The following CSMD3 variants were observed in gnomAD, a reference collection of about 807,000 sequenced individuals.
CSMD3 encodes CUB and Sushi multiple domains 3, also known as CUB and sushi domain-containing protein 3.
In CSMD3, 177 loss-of-function variants were observed where a neutral mutation model predicts 435.2. The ratio of observed to expected loss-of-function variants is 0.41; its 90% CI spans 0.36 to 0.46. The LOEUF is 0.46. Among genes scored for constraint, CSMD3 ranks in the 20% least tolerant of loss-of-function variants. The pLI, the probability that CSMD3 is intolerant of heterozygous loss-of-function variation, is 0.34. For synonymous variants in CSMD3, 1,656 were observed against 1,520.5 expected, an observed-to-expected ratio of 1.09 and a Z score of -2.07; for missense variants, 4,265 against 4,504.6, an observed-to-expected ratio of 0.95 and a Z score of 1.52.
intron 1 of CSMD3, among the ~76,000 whole-genome samples, chr8:113,407,001 A>G (rs576877114): frequency 6.6e-6 from 1 of 152,262 alleles, no homozygotes; most frequent in Non-Finnish European, 1.5e-5. Flanking sequence ...GCAAATTTGT[A>G]TACAGTAGGA....
At chr8:112,247,676 A>C (rs7826664) in intron 63 of CSMD3, among the ~76,000 whole-genome samples, 4,538 of 152,226 alleles carry the variant, frequency 0.03, 236 homozygotes, top group African/African-American at 0.1. Flanking sequence ...AATTAGGAGA[A>C]TATCTAGGAC....
chr8:113,211,067 G>A (rs377460041), intron 3 of CSMD3, among the ~76,000 whole-genome samples: 5 of 152,058 alleles, frequency 3.3e-5, no homozygotes, highest in Non-Finnish European at 4.4e-5. Context: ...TAAATTATAC[G>A]TATTTTTCTA....
intron 1 of CSMD3, among the ~76,000 whole-genome samples, chr8:113,426,254 C>G (rs1157083340): frequency 1.3e-5 from 2 of 151,154 alleles, no homozygotes; most frequent in Admixed American, 6.6e-5. Context: ...TTCAGAGAAG[C>G]CATTTCTGCA....
intron 3 of CSMD3, among the ~76,000 whole-genome samples, chr8:113,255,685 AC>A (rs1180709928): frequency 1.3e-5 from 2 of 152,052 alleles, no homozygotes; most frequent in Non-Finnish European, 2.9e-5. Context: ...CAAATAAAAA[AC>A]AGAACATATT....
intron 32 of CSMD3, among the ~76,000 whole-genome samples, chr8:112,455,970 T>G (rs1816797994): frequency 6.6e-6 from 1 of 152,158 alleles, no homozygotes; most frequent in Non-Finnish European, 1.5e-5. Flanking sequence ...GCAAAATTTT[T>G]TATTTATCAA....
At chr8:112,911,120 T>C (rs2082398945) in intron 10 of CSMD3, among the ~76,000 whole-genome samples, 1 of 151,856 alleles carries the variant, frequency 6.6e-6, no homozygotes, top group Non-Finnish European at 1.5e-5. Context: ...CATTTTCTTA[T>C]CATTCACTTA....
At chr8:112,407,996 G>T (rs993915378) in intron 34 of CSMD3, among the ~76,000 whole-genome samples, 1 of 151,826 alleles carries the variant, frequency 6.6e-6, no homozygotes, top group Non-Finnish European at 1.5e-5. Context: ...AACTAAATTA[G>T]ACTAAATAGT....
chr8:113,314,764 T>A lies in CSMD3; in HGVS notation c.208A>T (p.Lys70Ter). The change falls in exon 2 of 71, where the codon AAA becomes TAA. Residue 70 changes from lysine to a stop codon, truncating the protein, a stop_gained. Coordinates refer to ENST00000297405, the MANE Select transcript of CSMD3 (RefSeq NM_198123.2). LOFTEE classifies it high-confidence loss of function. ...CTTTCTATAGTGCCATTAAGTCCTTTTAAAGTTCCACCACATGTATAAATA... is the reference window on the plus strand; with the variant it reads ...CTTTCTATAGTGCCATTAAGTCCTTATAAAGTTCCACCACATGTATAAATA... The part of the protein sequence containing the change: ...GFIYTCGGTL[K>*]GLNGTIESPG... 6.2e-7 allele frequency: 1 copy of A among 1,611,698 alleles called. No homozygotes were observed. The highest frequency in any genetic ancestry group is 8.5e-7 in the Non-Finnish European group (1 of 1,178,202).
intron 30 of CSMD3, among the ~76,000 whole-genome samples, chr8:112,502,311 C>T (rs1451575451): frequency 2.0e-5 from 3 of 152,224 alleles, no homozygotes; most frequent in African/African-American, 7.2e-5. Context: ...CACCCCAAAC[C>T]TCACTGTCTG....
At position 113,220,161 on chromosome 8, in the gene CSMD3, A is replaced by G. The variant is rs181206709; in HGVS notation, c.515-46245T>C. On this transcript the variant is annotated intron_variant, in intron 3 of 70. Coordinates refer to ENST00000297405, the MANE Select transcript of CSMD3 (RefSeq NM_198123.2). ...GGAAACAGGCACTCTTACAAACTGC[A>G]GGTGAAGATTACAGAAGTCATAGAT... Among the ~76,000 whole-genome samples, 46 of 151,562 alleles carry G rather than the reference A, an allele frequency of 3.0e-4. 1 individual carries two copies. The highest frequency in any genetic ancestry group is 1.3e-3 in the Admixed American group (20 of 15,136).
At chr8:113,308,485 G>A (rs2093840931) in intron 2 of CSMD3, among the ~76,000 whole-genome samples, 1 of 151,870 alleles carries the variant, frequency 6.6e-6, no homozygotes, top group African/African-American at 2.4e-5. Flanking sequence ...AGCCAGGATA[G>A]TCTCGATCTC....
At chr8:112,620,932 G>A (rs577463239) in intron 22 of CSMD3, among the ~76,000 whole-genome samples, 7 of 152,220 alleles carry the variant, frequency 4.6e-5, no homozygotes, top group African/African-American at 1.7e-4. Flanking sequence ...TACAGAAAAT[G>A]TAACATAAAA....
At chr8:112,904,583 C>T (rs965905372) in intron 10 of CSMD3, among the ~76,000 whole-genome samples, 1 of 151,190 alleles carries the variant, frequency 6.6e-6, no homozygotes, top group African/African-American at 2.4e-5. Flanking sequence ...AGGTGGTTAT[C>T]CTATGATAAT....
chr8:113,029,576 C>T (rs1161741089), intron 5 of CSMD3, among the ~76,000 whole-genome samples: 1 of 151,526 alleles, frequency 6.6e-6, no homozygotes, highest in Non-Finnish European at 1.5e-5. Context: ...GATCCAGCAT[C>T]CATTTATGAT....
intron 4 of CSMD3, among the ~76,000 whole-genome samples, chr8:113,147,966 T>C (rs1404960508): frequency 1.3e-5 from 2 of 151,746 alleles, no homozygotes; most frequent in Non-Finnish European, 2.9e-5. Context: ...CCTAGTTCCC[T>C]GTATTCTTGG....
intron 27 of CSMD3, among the ~76,000 whole-genome samples, chr8:112,533,659 G>A (rs1258720201): frequency 6.6e-6 from 1 of 151,786 alleles, no homozygotes; most frequent in Non-Finnish European, 1.5e-5. Flanking sequence ...AGAAAGAACA[G>A]TACAATAATA....
Position 112,682,471 on chromosome 8 carries a change from A to G in CSMD3, c.2648T>C (p.Met883Thr). 1.2e-6 allele frequency: 2 copies of G among 1,612,644 alleles called. No homozygotes were observed. Among genetic ancestry groups the G allele is most frequent in the Non-Finnish European group, 8.5e-7 (1 of 1,179,774 alleles). The change falls in exon 16 of 71, where the codon ATG becomes ACG. Residue 883 changes from methionine (M) to threonine (T), a missense_variant. This residue lies in a region of CSMD3 where 279 missense variants were observed against 369.0 expected (regional missense o/e 0.76). Coordinates refer to ENST00000297405, the MANE Select transcript of CSMD3 (RefSeq NM_198123.2). ...ITCILMDGKV[M>T]WSGLIPKCGA... ...ACATTTTGGAATCAGTCCACTCCACATTACTTTTCCATCCATAAGAATACA... is the reference window on the plus strand; with the variant it reads ...ACATTTTGGAATCAGTCCACTCCACGTTACTTTTCCATCCATAAGAATACA...
At chr8:113,179,165 T>C (rs1309683687) in intron 3 of CSMD3, among the ~76,000 whole-genome samples, 4 of 151,820 alleles carry the variant, frequency 2.6e-5, no homozygotes, top group Non-Finnish European at 5.9e-5. Flanking sequence ...CATATTATTT[T>C]AATATGAGAA....
chr8:112,706,733 G>T (rs2076506378), intron 13 of CSMD3, among the ~76,000 whole-genome samples: 1 of 151,984 alleles, frequency 6.6e-6, no homozygotes, highest in African/African-American at 2.4e-5. Context: ...AAACCATTCT[G>T]GCTGTGCACA....
Sources: gnomAD v4.1 joint callset for allele counts (sites outside exome capture counted in the v4.1 genomes callset) on GRCh38, gnomAD v4.1.1 for gene constraint, gnomAD v4.1.1 regional missense constraint, MANE v1.5 for transcripts, NCBI Gene and HGNC (gene_info 2026-07-23, HGNC 2026-07-21) for gene names.